Variants in GANC observed in about 807,000 individuals in gnomAD.
GANC encodes the protein neutral alpha-glucosidase C.
Under a neutral mutation model 124.2 loss-of-function variants are expected in GANC, and 117 were observed. That is an observed-to-expected ratio of 0.94 (90% CI 0.81 to 1.10). GANC has a LOEUF of 1.10. Among genes scored for constraint, GANC ranks in the 50% least tolerant of loss-of-function variants. The probability of loss-of-function intolerance (pLI) is 0.00; values close to 1 mark genes in which losing one functional copy is unlikely to be tolerated. For synonymous variants in GANC, 377 were observed against 376.8 expected (o/e 1.00, Z -0.01); for missense variants, 1,140 against 1,095.0 (o/e 1.04, Z -0.58).
chr15:42,298,649 A>G (rs762053123), intron 6 of GANC, among the ~76,000 whole-genome samples: 40 of 152,202 alleles, frequency 2.6e-4, no homozygotes, highest in Non-Finnish European at 5.1e-4. Context: ...AATCACATGT[A>G]TCTTCAAAAG....
chr15:42,340,572 C>A, intron 17 of GANC, 118 bp from the exon 18 acceptor site: 2 of 765,734 alleles, frequency 2.6e-6, no homozygotes, highest in Non-Finnish European at 4.1e-6. Flanking sequence ...CCACGGCATT[C>A]CAGCCTGGGC....
chr15:42,332,075 G>A (rs2052250482), intron 15 of GANC, among the ~76,000 whole-genome samples: 2 of 151,810 alleles, frequency 1.3e-5, no homozygotes, highest in African/African-American at 2.4e-5. Context: ...TTCTCTTTTA[G>A]CTTTTTTAAA....
intron 6 of GANC, among the ~76,000 whole-genome samples, chr15:42,301,986 C>G (rs2051949869): frequency 6.6e-6 from 1 of 152,220 alleles, no homozygotes; most frequent in Admixed American, 6.5e-5. Flanking sequence ...TCTCCCAGCA[C>G]AGTGCTCGAG....
intron 6 of GANC, 107 bp from the exon 7 acceptor site, chr15:42,306,439 C>A: frequency 2.4e-6 from 2 of 846,340 alleles, no homozygotes; most frequent in South Asian, 1.8e-5. Context: ...AAGATGAACT[C>A]ACTTTCTCAG....
intron 15 of GANC, among the ~76,000 whole-genome samples, chr15:42,337,582 A>G (rs111850584): frequency 0.038 from 5,775 of 152,260 alleles, 306 homozygotes; most frequent in African/African-American, 0.12. Flanking sequence ...GAAGAGGAAG[A>G]GGATCAGGAA....
intron 4 of GANC, among the ~76,000 whole-genome samples, chr15:42,292,060 C>G (rs1458264459): frequency 6.6e-6 from 1 of 152,148 alleles, no homozygotes; most frequent in Non-Finnish European, 1.5e-5. Context: ...AGGGAAATAT[C>G]TAGCTTTGAG....
chr15:42,334,013 T>G (rs2052265857), intron 15 of GANC, among the ~76,000 whole-genome samples: 1 of 152,122 alleles, frequency 6.6e-6, no homozygotes, highest in Non-Finnish European at 1.5e-5. Context: ...TTCTTTTCAG[T>G]AAATGGTTCT....
chr15:42,330,035 T>C (rs965783047), intron 14 of GANC, among the ~76,000 whole-genome samples: 5 of 152,272 alleles, frequency 3.3e-5, no homozygotes, highest in Admixed American at 2.0e-4. Flanking sequence ...TTCTTTGTTA[T>C]TTTCAAATTG....
chr15:42,298,782 T>C (rs2051916472), intron 6 of GANC, among the ~76,000 whole-genome samples: 1 of 152,206 alleles, frequency 6.6e-6, no homozygotes. Flanking sequence ...TCACATCCCT[T>C]GTTAGCTGTA....
Position 42,340,689 on chromosome 15 carries a change from G to A in GANC, c.2088-1G>A. 6.2e-7 allele frequency: 1 copy of A among 1,601,156 alleles called. No homozygotes were observed. Among genetic ancestry groups the A allele is most frequent in the Non-Finnish European group, 8.5e-7 (1 of 1,175,900 alleles). ...AACAATAATTTTTTTTCTTTCCCCAGGCCTCTGTGGGTAGAGTTCCCTGAT... is the reference window on the plus strand; with the variant it reads ...AACAATAATTTTTTTTCTTTCCCCAAGCCTCTGTGGGTAGAGTTCCCTGAT... On this transcript the variant is annotated splice_acceptor_variant, in intron 17 of 23. Coordinates refer to ENST00000318010, the MANE Select transcript of GANC (RefSeq NM_198141.3). LOFTEE classifies it high-confidence loss of function.
rs573383850 is a variant in GANC, at chr15:42,308,064, T to C, written c.626-158T>C. ...ATCCCCACAACACCTGAATATAATA[T>C]CTCACAGAGGGTCAGTACACAGCAT... On this transcript the variant is annotated intron_variant, in intron 7 of 23. Coordinates refer to ENST00000318010, the MANE Select transcript of GANC (RefSeq NM_198141.3). 2.0e-5 allele frequency among the ~76,000 whole-genome samples: 3 copies of C among 152,256 alleles called. No homozygotes were observed. The East Asian group carries it at 5.8e-4, about 29-fold the overall frequency.
intron 10 of GANC, chr15:42,314,035 A>G (rs187004102): frequency 4.3e-6 from 3 of 700,708 alleles, no homozygotes; most frequent in Middle Eastern, 2.3e-4. Context: ...ATGAATTTGG[A>G]CAGAGTAGCT....
intron 5 of GANC, among the ~76,000 whole-genome samples, chr15:42,295,302 C>T (rs2051879908): frequency 6.6e-6 from 1 of 151,834 alleles, no homozygotes; most frequent in Non-Finnish European, 1.5e-5. Flanking sequence ...TGCCAAATTG[C>T]CTTCCATAGA....
chr15:42,284,669 T>C lies in GANC; in HGVS notation c.202-3022T>C, dbSNP rs142716630. ...TTAAAGAGATGGGGTCTCACTGTGTTGCTCAGGCTGGAGTGCAGTGGTTAC... is the reference window on the plus strand; with the variant it reads ...TTAAAGAGATGGGGTCTCACTGTGTCGCTCAGGCTGGAGTGCAGTGGTTAC... On this transcript the variant is annotated intron_variant, in intron 3 of 23. Transcript: ENST00000318010. 2.4e-3 allele frequency among the ~76,000 whole-genome samples: 373 copies of C among 152,294 alleles called. 4 individuals carry two copies. The highest frequency in any genetic ancestry group is 8.6e-3 in the African/African-American group (358 of 41,552).
intron 19 of GANC, among the ~76,000 whole-genome samples, chr15:42,344,386 T>C (rs113105071): frequency 0.097 from 14,750 of 152,198 alleles, 841 homozygotes; most frequent in South Asian, 0.18. Context: ...CCTATCTTCA[T>C]GTTGCCTTTT....
chr15:42,330,770 C>CT lies in GANC; in HGVS notation c.1741+120dup, dbSNP rs71108160. Reference sequence around the variant, plus strand: ...TTACTGTGCTGATGCCTTCCTTTTCCTTTTTTTTTTTTTTTTTTTTTTCAT... The same window carrying CT: ...TTACTGTGCTGATGCCTTCCTTTTCCTTTTTTTTTTTTTTTTTTTTTTTCAT... On this transcript the variant is annotated intron_variant, in intron 15 of 23. Coordinates refer to ENST00000318010, the MANE Select transcript of GANC (RefSeq NM_198141.3). The CT allele has an allele frequency of 2.3e-3, 831 of 360,268 alleles. 1 individual carries two copies. The highest frequency in any genetic ancestry group is 8.4e-3 in the Admixed American group (113 of 13,506). The allele number at this position is 360,268 out of a possible 1,614,324, so 22.3% of individuals were successfully genotyped here.
At chr15:42,307,942 G>A (rs571332767) in intron 7 of GANC, among the ~76,000 whole-genome samples, 1 of 152,320 alleles carries the variant, frequency 6.6e-6, no homozygotes, top group South Asian at 2.1e-4. Flanking sequence ...TTTATATAGA[G>A]ACGAGATTTA....
chr15:42,310,482 C>G lies in GANC; in HGVS notation c.903+19C>G. The G allele has an allele frequency of 6.4e-7, 1 of 1,572,572 alleles. No individual in the cohort carries two copies. Among genetic ancestry groups the G allele is most frequent in the South Asian group, 1.1e-5 (1 of 87,252 alleles). ...AGTAGAGGTGAGCTATTTATCATGG[C>G]TACATGTCATACTTAAAGAAGAAAC... On this transcript the variant is annotated intron_variant, in intron 9 of 23. Coordinates refer to ENST00000318010, the MANE Select transcript of GANC (RefSeq NM_198141.3).
At chr15:42,338,366 T>TA (rs757563665) in intron 15 of GANC, 23 bp from the exon 16 acceptor site, 1 of 1,555,856 alleles carries the variant, frequency 6.4e-7, no homozygotes, top group Non-Finnish European at 8.9e-7. Context: ...GTGATTTTAA[T>TA]ACATTGTTGC....
Sources: allele counts gnomAD v4.1 joint callset (sites outside exome capture counted in the v4.1 genomes callset), GRCh38; gene constraint gnomAD v4.1.1; transcripts MANE v1.5; gene names NCBI Gene and HGNC (gene_info 2026-07-23, HGNC 2026-07-21).